Variants in ZHX2 observed in about 807,000 individuals in gnomAD.
ZHX2 encodes the protein zinc fingers and homeoboxes 2, also known as zinc fingers and homeoboxes protein 2.
ZHX2 carries 6 observed loss-of-function variants against 21.9 expected under a neutral mutation model. The observed-to-expected ratio is 0.27, with a 90% CI of 0.15 to 0.54. The LOEUF is 0.54. ZHX2 is among the 20% of genes least tolerant of loss of function. The probability of loss-of-function intolerance (pLI) is 0.95; values close to 1 mark genes in which losing one functional copy is unlikely to be tolerated. For missense variants in ZHX2, 908 were observed against 1,090.7 expected (o/e 0.83, Z 2.36); for synonymous variants, 434 against 437.1 (o/e 0.99, Z 0.09).
chr8:122,968,272 TGAG>T (rs985755262), intron 3 of ZHX2, among the ~76,000 whole-genome samples: 47 of 152,218 alleles, frequency 3.1e-4, no homozygotes, highest in African/African-American at 1.1e-3. Context: ...GCAAGCAGCT[TGAG>T]GAATATATAC....
At chr8:122,843,025 C>A (rs1378983756) in intron 1 of ZHX2, among the ~76,000 whole-genome samples, 2 of 152,230 alleles carry the variant, frequency 1.3e-5, no homozygotes, top group Non-Finnish European at 2.9e-5. Context: ...ATTGCCCCAG[C>A]TCATTTTCTG....
In ZHX2 at chr8:122,952,885, C is replaced by A. The variant is rs1264417429; in HGVS notation, c.1375C>A (p.Leu459Ile). ...EQIAHLKASF[L>I]QSQFPDDAEV... ...GATAGCACATCTCAAGGCCAGCTTT[C>A]TCCAGAGCCAGTTCCCTGACGATGC... Residue 459 changes from leucine (L) to isoleucine (I), a missense_variant, in exon 3 of 4, where the codon CTC becomes ATC. Around this residue, in one of 4 missense-constraint regions of ZHX2, gnomAD observed 232 missense variants for 361.8 expected, o/e 0.64. Coordinates refer to ENST00000314393, the MANE Select transcript of ZHX2 (RefSeq NM_014943.5). This position sits in a 1 kb window ranked among gnomAD's most constrained non-coding sequence, Gnocchi z 6.9. 4.3e-6 allele frequency: 7 copies of A among 1,614,172 alleles called. No individual in the cohort carries two copies. The East Asian group carries it at 1.1e-4, about 26-fold the overall frequency.
At chr8:122,802,972 C>G (rs1817749241) in intron 1 of ZHX2, among the ~76,000 whole-genome samples, 1 of 151,672 alleles carries the variant, frequency 6.6e-6, no homozygotes, top group South Asian at 2.1e-4. Context: ...CACCCCGCCC[C>G]CAGTTAGCGC....
intron 1 of ZHX2, among the ~76,000 whole-genome samples, chr8:122,839,777 G>A (rs1223939909): frequency 5.3e-5 from 8 of 152,192 alleles, no homozygotes; most frequent in East Asian, 3.9e-4. Flanking sequence ...TGGTTACCTC[G>A]TTTTGTTCAG....
At chr8:122,870,503 G>C (rs1349697831) in intron 2 of ZHX2, among the ~76,000 whole-genome samples, 1 of 151,840 alleles carries the variant, frequency 6.6e-6, no homozygotes, top group African/African-American at 2.4e-5. Flanking sequence ...GCTGGGCGTA[G>C]TGACAGGTGC....
At chr8:122,883,032 C>G (rs895140770) in intron 2 of ZHX2, among the ~76,000 whole-genome samples, 1 of 152,030 alleles carries the variant, frequency 6.6e-6, no homozygotes. Flanking sequence ...GAGATTGTAA[C>G]CACCTGAGAG....
intron 1 of ZHX2, among the ~76,000 whole-genome samples, chr8:122,842,698 A>G (rs1818664493): frequency 6.6e-6 from 1 of 150,652 alleles, no homozygotes; most frequent in African/African-American, 2.4e-5. Context: ...ACAGAGCGAG[A>G]CTCCATCTCA....
chr8:122,907,899 A>C (rs543892354), intron 2 of ZHX2, among the ~76,000 whole-genome samples: 26 of 152,186 alleles, frequency 1.7e-4, no homozygotes, highest in African/African-American at 5.8e-4. Context: ...TTTTTTTGTT[A>C]ATCTGAACTG....
chr8:122,891,243 A>G (rs958127645), intron 2 of ZHX2, among the ~76,000 whole-genome samples: 2 of 133,138 alleles, frequency 1.5e-5, no homozygotes, highest in African/African-American at 2.8e-5. Context: ...CAAGTTTTCT[A>G]TTTCTTCCTG....
intron 1 of ZHX2, among the ~76,000 whole-genome samples, chr8:122,833,042 C>T (rs1159675696): frequency 6.6e-6 from 1 of 152,088 alleles, no homozygotes; most frequent in Non-Finnish European, 1.5e-5. Context: ...GTAGTACACA[C>T]CAGGTGAGCC....
chr8:122,813,162 C>T (rs1351463664), intron 1 of ZHX2, among the ~76,000 whole-genome samples: 1 of 149,652 alleles, frequency 6.7e-6, no homozygotes, highest in African/African-American at 2.5e-5. Context: ...CGCCACTGTA[C>T]TCCAGCCTGG....
chr8:122,911,774 A>G (rs1201580489), intron 2 of ZHX2, among the ~76,000 whole-genome samples: 5 of 152,070 alleles, frequency 3.3e-5, no homozygotes, highest in Admixed American at 2.0e-4. Flanking sequence ...CTACGAGCCT[A>G]TGTGGTGGGA....
At chr8:122,954,134 G>T in intron 3 of ZHX2, 106 bp downstream of exon 3, 1 of 1,024,448 alleles carries the variant, frequency 9.8e-7, no homozygotes, top group Non-Finnish European at 1.4e-6. Flanking sequence ...GACACAGATG[G>T]TGGCGTCTTT....
At chr8:122,850,735 AC>A (rs1818873096) in intron 1 of ZHX2, among the ~76,000 whole-genome samples, 1 of 145,880 alleles carries the variant, frequency 6.9e-6, no homozygotes, top group Non-Finnish European at 1.5e-5. Flanking sequence ...GCCCCCCAAC[AC>A]CCCCTCATGT....
Position 122,809,507 on chromosome 8 carries a change from C to CA in ZHX2, c.-283+27570dup, listed in dbSNP as rs34611607. 2.4e-3 allele frequency among the ~76,000 whole-genome samples: 334 copies of CA among 140,584 alleles called. 2 individuals carry two copies. Among genetic ancestry groups the CA allele is most frequent in the South Asian group, 5.7e-3 (25 of 4,410 alleles). The allele number at this position is 140,584 out of a possible 152,430, so 92.2% of individuals were successfully genotyped here. On this transcript the variant is annotated intron_variant, in intron 1 of 3. Transcript: ENST00000314393. ...AGAGTGAAACTCCATCTCAAAAGAACAAAAAAAAAGAGAGAAAGGAAAAAA... is the reference window on the plus strand; with the variant it reads ...AGAGTGAAACTCCATCTCAAAAGAACAAAAAAAAAAGAGAGAAAGGAAAAAA...
chr8:122,948,565 T>C (rs779216268), intron 2 of ZHX2, among the ~76,000 whole-genome samples: 1 of 152,134 alleles, frequency 6.6e-6, no homozygotes, highest in African/African-American at 2.4e-5. Flanking sequence ...AGAACTCTAC[T>C]AGATATAAAA....
chr8:122,958,041 T>C (rs1813354061), intron 3 of ZHX2, among the ~76,000 whole-genome samples: 1 of 152,154 alleles, frequency 6.6e-6, no homozygotes, highest in Non-Finnish European at 1.5e-5. Flanking sequence ...CCTGAAATAA[T>C]TCATGGTTTT....
chr8:122,807,433 A>C (rs1184327668), intron 1 of ZHX2, among the ~76,000 whole-genome samples: 1 of 152,264 alleles, frequency 6.6e-6, no homozygotes, highest in Non-Finnish European at 1.5e-5. Context: ...CAGTGTCATC[A>C]GCGTTACAGG....
chr8:122,873,281 G>A (rs1819488774), intron 2 of ZHX2, among the ~76,000 whole-genome samples: 1 of 152,254 alleles, frequency 6.6e-6, no homozygotes, highest in Non-Finnish European at 1.5e-5. Context: ...GAACACATGT[G>A]AGAGTGAAGG....
Sources: allele counts gnomAD v4.1 joint callset (sites outside exome capture counted in the v4.1 genomes callset), GRCh38; gene constraint gnomAD v4.1.1; regional missense constraint gnomAD v4.1.1; non-coding constraint Gnocchi (gnomAD v3.1); transcripts MANE v1.5; gene names NCBI Gene and HGNC (gene_info 2026-07-23, HGNC 2026-07-21).